The following MTHFS variants were observed in gnomAD, a reference collection of about 807,000 sequenced individuals.
The protein encoded by MTHFS is 5-formyltetrahydrofolate cyclo-ligase.
In MTHFS, 7 loss-of-function variants were observed where a neutral mutation model predicts 12.7. That is an observed-to-expected ratio of 0.55 (90% CI 0.31 to 1.03). The LOEUF is 1.03. MTHFS is among the 50% of genes least tolerant of loss of function. MTHFS has a pLI of 0.05. For synonymous variants in MTHFS, 100 were observed against 97.1 expected (o/e 1.03, Z -0.18); for missense variants, 252 against 258.1 (o/e 0.98, Z 0.16).
At chr15:79,856,052 C>T (rs1421062693) in intron 2 of MTHFS, among the ~76,000 whole-genome samples, 3 of 152,214 alleles carry the variant, frequency 2.0e-5, no homozygotes, top group African/African-American at 4.8e-5. Flanking sequence ...ATTGCTGGGT[C>T]GAATGGTAAT....
intron 2 of MTHFS, among the ~76,000 whole-genome samples, chr15:79,878,361 A>AG (rs1566995298): frequency 2.0e-5 from 3 of 151,748 alleles, no homozygotes; most frequent in Non-Finnish European, 2.9e-5. Context: ...CACTTCTAAA[A>AG]GGGGATGGGC....
At chr15:79,888,128 T>A (rs1022326818) in intron 2 of MTHFS, among the ~76,000 whole-genome samples, 2 of 152,176 alleles carry the variant, frequency 1.3e-5, no homozygotes, top group African/African-American at 2.4e-5. Flanking sequence ...CTTGTTTTGC[T>A]TTCATCTCTT....
At chr15:79,886,663 AC>A (rs1394649315) in intron 2 of MTHFS, among the ~76,000 whole-genome samples, 3 of 152,156 alleles carry the variant, frequency 2.0e-5, no homozygotes, top group Non-Finnish European at 4.4e-5. Flanking sequence ...TTCATTTGAC[AC>A]TTATATTTGA....
intron 2 of MTHFS, among the ~76,000 whole-genome samples, chr15:79,847,439 C>T (rs2141338372): frequency 6.6e-6 from 1 of 152,212 alleles, no homozygotes; most frequent in Middle Eastern, 3.4e-3. Flanking sequence ...AATCCCAGCA[C>T]TTTGGGAGGC....
chr15:79,850,743 A>T (rs34232074), intron 2 of MTHFS, among the ~76,000 whole-genome samples: 8,863 of 152,208 alleles, frequency 0.058, 363 homozygotes, highest in Non-Finnish European at 0.089. Flanking sequence ...ATAAGTGGAG[A>T]GATGGGGACA....
intron 2 of MTHFS, chr15:79,877,941 C>T (rs2034230110): frequency 6.6e-6 from 1 of 151,878 alleles, no homozygotes; most frequent in South Asian, 2.1e-4. Flanking sequence ...CAGAATAAGA[C>T]ATTCCTAGAT....
chr15:79,864,747 G>C (rs629652), intron 2 of MTHFS, among the ~76,000 whole-genome samples: 4 of 151,904 alleles, frequency 2.6e-5, no homozygotes, highest in Non-Finnish European at 5.9e-5. Flanking sequence ...AGGACTCTCA[G>C]AATATTTGTT....
At chr15:79,865,541 C>T (rs767591339) in intron 2 of MTHFS, among the ~76,000 whole-genome samples, 14 of 152,168 alleles carry the variant, frequency 9.2e-5, no homozygotes, top group South Asian at 2.1e-4. Context: ...CGTATCGTAA[C>T]GATGGGTCTC....
chr15:79,848,400 T>C (rs2033657129), intron 2 of MTHFS, among the ~76,000 whole-genome samples: 2 of 152,210 alleles, frequency 1.3e-5, no homozygotes, highest in African/African-American at 2.4e-5. Flanking sequence ...TCATGGAAGA[T>C]GAAAAAGTTC....
chr15:79,859,686 C>T (rs1199572251), intron 2 of MTHFS, among the ~76,000 whole-genome samples: 1 of 151,910 alleles, frequency 6.6e-6, no homozygotes, highest in Non-Finnish European at 1.5e-5. Context: ...GGCATAATGG[C>T]GGGAGCCTGT....
chr15:79,881,645 T>C (rs887682780), intron 2 of MTHFS, among the ~76,000 whole-genome samples: 3 of 152,202 alleles, frequency 2.0e-5, no homozygotes, highest in Non-Finnish European at 4.4e-5. Context: ...GTCCAAGTTC[T>C]TCCTTGGGAA....
At chr15:79,869,716 G>A (rs1169056762) in intron 2 of MTHFS, among the ~76,000 whole-genome samples, 1 of 152,168 alleles carries the variant, frequency 6.6e-6, no homozygotes, top group African/African-American at 2.4e-5. Flanking sequence ...TAACAGGCAT[G>A]AGCCACCATG....
chr15:79,873,046 T>C (rs2034133465), intron 2 of MTHFS, among the ~76,000 whole-genome samples: 1 of 152,106 alleles, frequency 6.6e-6, no homozygotes, highest in African/African-American at 2.4e-5. Flanking sequence ...CAGTAAAACC[T>C]CCAGGAAACA....
intron 2 of MTHFS, among the ~76,000 whole-genome samples, chr15:79,886,553 GA>G (rs988972878): frequency 2.3e-4 from 34 of 148,024 alleles, no homozygotes; most frequent in African/African-American, 5.4e-4. Flanking sequence ...CTATAGAGGA[GA>G]AAAAAAAAAT....
intron 2 of MTHFS, among the ~76,000 whole-genome samples, chr15:79,874,160 CTAAAAA>C (rs2034151195): frequency 6.6e-6 from 1 of 152,124 alleles, no homozygotes; most frequent in Non-Finnish European, 1.5e-5. Flanking sequence ...GAGTAGAAAA[CTAAAAA>C]TCTGCTCCTT....
At chr15:79,854,604 C>T (rs902757187) in intron 2 of MTHFS, among the ~76,000 whole-genome samples, 2 of 152,070 alleles carry the variant, frequency 1.3e-5, no homozygotes, top group Non-Finnish European at 2.9e-5. Flanking sequence ...GAGATTTGGG[C>T]TTATTTTTAA....
intron 2 of MTHFS, among the ~76,000 whole-genome samples, chr15:79,847,926 TA>T (rs1263443139): frequency 6.6e-6 from 1 of 152,000 alleles, no homozygotes; most frequent in Admixed American, 6.6e-5. Flanking sequence ...ATGCAGCCAT[TA>T]AAGAAAAGAG....
chr15:79,869,705 A>G (rs1270475614), intron 2 of MTHFS, among the ~76,000 whole-genome samples: 2 of 152,214 alleles, frequency 1.3e-5, no homozygotes, highest in Non-Finnish European at 2.9e-5. Context: ...AAGTGCTGGG[A>G]TAACAGGCAT....
chr15:79,893,161 T>C (rs2141380710), intron 1 of MTHFS, among the ~76,000 whole-genome samples: 1 of 152,192 alleles, frequency 6.6e-6, no homozygotes, highest in East Asian at 1.9e-4. Flanking sequence ...TCCCAGCACT[T>C]TGGCAGGCCG....
Sources: allele counts gnomAD v4.1 joint callset (sites outside exome capture counted in the v4.1 genomes callset), GRCh38; gene constraint gnomAD v4.1.1; transcripts MANE v1.5; gene names NCBI Gene and HGNC (gene_info 2026-07-23, HGNC 2026-07-21).